The following CCNI variants were observed in gnomAD, a reference collection of about 807,000 sequenced individuals.
CCNI encodes the protein cyclin-I.
A neutral mutation model predicts 34.1 loss-of-function variants in CCNI; 14 were observed. The observed-to-expected ratio is 0.41, with a 90% CI of 0.27 to 0.64. The LOEUF is 0.64. Among genes scored for constraint, CCNI ranks in the 30% least tolerant of loss-of-function variants. The pLI, the probability that CCNI is intolerant of heterozygous loss-of-function variation, is 0.31. For missense variants in CCNI, 385 were observed against 440.5 expected (o/e 0.87, Z 1.13); for synonymous variants, 154 against 158.4 (o/e 0.97, Z 0.21).
At chr4:77,060,917 G>A (rs911775449) in intron 2 of CCNI, among the ~76,000 whole-genome samples, 10 of 141,662 alleles carry the variant, frequency 7.1e-5, no homozygotes, top group East Asian at 4.0e-4. Context: ...GAGCCACTGC[G>A]CCCGGCCTAA....
chr4:77,068,833 C>T lies in CCNI; in HGVS notation c.-43-2428G>A, dbSNP rs4252815. The stretch of plus-strand genomic sequence containing the variant: ...CCAACTCCAGCTACTATCCTCCTTC[C>T]TATGTACCACTCCACATATGCTACC... On this transcript the variant is annotated intron_variant, in intron 1 of 6. Coordinates refer to ENST00000237654, the MANE Select transcript of CCNI (RefSeq NM_006835.3). 1.3e-3 allele frequency among the ~76,000 whole-genome samples: 194 copies of T among 152,250 alleles called. 1 individual carries two copies. In the East Asian group the frequency reaches 0.035, roughly 28 times the overall value.
chr4:77,056,586 CTTTT>C (rs35437385), intron 3 of CCNI: 378 of 160,922 alleles, frequency 2.3e-3, no homozygotes, highest in South Asian at 6.6e-3. Flanking sequence ...CTAGAGCTAA[CTTTT>C]TTTTTTTTTT....
At chr4:77,051,497 A>G (rs1727833851) in intron 6 of CCNI, among the ~76,000 whole-genome samples, 1 of 147,528 alleles carries the variant, frequency 6.8e-6, no homozygotes, top group Admixed American at 6.6e-5. Context: ...GAAATGATAG[A>G]GCTAAAAGAC....
At chr4:77,056,178 A>T (rs908257376) in intron 4 of CCNI, 71 bp downstream of exon 4, 2 of 1,597,526 alleles carry the variant, frequency 1.3e-6, no homozygotes, top group South Asian at 2.2e-5. Flanking sequence ...TTGTTTTAGC[A>T]AACGAAGCAA....
At chr4:77,053,002 T>A (rs1727970115) in intron 6 of CCNI, among the ~76,000 whole-genome samples, 1 of 152,132 alleles carries the variant, frequency 6.6e-6, no homozygotes, top group African/African-American at 2.4e-5. Context: ...AGAAAAAAAA[T>A]TCACTGTATT....
chr4:77,049,278 C>G (rs985547326), intron 6 of CCNI, among the ~76,000 whole-genome samples: 3 of 151,980 alleles, frequency 2.0e-5, no homozygotes, highest in African/African-American at 7.2e-5. Flanking sequence ...TCCTTCTTAC[C>G]CTTCAGGACA....
chr4:77,070,566 C>T (rs1729385990), intron 1 of CCNI, among the ~76,000 whole-genome samples: 1 of 150,046 alleles, frequency 6.7e-6, no homozygotes, highest in Non-Finnish European at 1.5e-5. Flanking sequence ...TATATTCTAT[C>T]CCTGTTGCAT....
intron 1 of CCNI, among the ~76,000 whole-genome samples, chr4:77,070,068 AG>A (rs377320169): frequency 2.3e-4 from 34 of 147,538 alleles, no homozygotes; most frequent in Middle Eastern, 3.5e-3. Flanking sequence ...CCCAGGCTAG[AG>A]TGTAGTGGCA....
rs1560766658 is a variant in CCNI at position 77,048,668 on chromosome 4, C to T, written c.691-6G>A. 6.7e-7 allele frequency: 1 copy of T among 1,503,566 alleles called. No homozygotes were observed. The allele number at this position is 1,503,566 out of a possible 1,614,324, so 93.1% of individuals were successfully genotyped here. Reference sequence around the variant, plus strand: ...ATCAACTGGGAGCTATCCATCTGGGCCAGGAAAAAAAAAAAGCCACACACA... The same window carrying T: ...ATCAACTGGGAGCTATCCATCTGGGTCAGGAAAAAAAAAAAGCCACACACA... On this transcript the variant is annotated splice_region_variant and splice_polypyrimidine_tract_variant and intron_variant, in intron 6 of 6. Transcript: ENST00000237654.
intron 2 of CCNI, among the ~76,000 whole-genome samples, chr4:77,064,121 T>C (rs1316751635): frequency 6.6e-6 from 1 of 151,844 alleles, no homozygotes; most frequent in Non-Finnish European, 1.5e-5. Context: ...GGGTGCCTGT[T>C]AATTCCAGCT....
intron 1 of CCNI, among the ~76,000 whole-genome samples, chr4:77,067,893 G>C (rs1025132012): frequency 1.3e-4 from 19 of 151,438 alleles, no homozygotes; most frequent in Admixed American, 1.1e-3. Flanking sequence ...AATGTGAAAA[G>C]GTGGCTGGGC....
intron 6 of CCNI, among the ~76,000 whole-genome samples, chr4:77,051,219 C>T (rs180806923): frequency 1.8e-4 from 27 of 152,280 alleles, no homozygotes; most frequent in Admixed American, 1.7e-3. Context: ...AGATGCCAAA[C>T]CCATGGATAT....
In CCNI at chr4:77,048,652, G is replaced by A. The variant is rs752187873; in HGVS notation, c.701C>T (p.Ser234Phe). The change falls in exon 7 of 7, where the codon TCC becomes TTC. Residue 234 changes from serine (S) to phenylalanine (F), a missense_variant. Coordinates refer to ENST00000237654, the MANE Select transcript of CCNI (RefSeq NM_006835.3). Reference sequence around the variant, plus strand: ...AAGCTCCCGACAATGGATCAACTGGGAGCTATCCATCTGGGCCAGGAAAAA... The same window carrying A: ...AAGCTCCCGACAATGGATCAACTGGAAGCTATCCATCTGGGCCAGGAAAAA... ...ELLQKAQMDS[S>F]QLIHCRELVA... The A allele has an allele frequency of 1.3e-6, 2 of 1,526,238 alleles. No homozygotes were observed. Among genetic ancestry groups the A allele is most frequent in the Admixed American group, 4.3e-5 (2 of 46,402 alleles). 94.5% of individuals were successfully genotyped at this position (1,526,238 alleles called of 1,614,324 possible).
chr4:77,060,199 A>G (rs1056181697), intron 2 of CCNI, among the ~76,000 whole-genome samples: 2 of 152,198 alleles, frequency 1.3e-5, no homozygotes, highest in Non-Finnish European at 2.9e-5. Context: ...AAGAAGAATC[A>G]CAAAGGTAAC....
In CCNI at chr4:77,051,157, A is replaced by C. The variant is rs4252932; in HGVS notation, c.691-2495T>G. 6.4e-3 allele frequency among the ~76,000 whole-genome samples: 968 copies of C among 152,204 alleles called. 15 individuals carry two copies. The highest frequency in any genetic ancestry group is 0.022 in the African/African-American group (920 of 41,526). Reference sequence around the variant, plus strand: ...TGCCACAAATTCCAGGTTTTTTTGGAACTCTGTGAAATTTCTTCCTGAATA... The same window carrying C: ...TGCCACAAATTCCAGGTTTTTTTGGCACTCTGTGAAATTTCTTCCTGAATA... On this transcript the variant is annotated intron_variant, in intron 6 of 6. Coordinates refer to ENST00000237654, the MANE Select transcript of CCNI (RefSeq NM_006835.3).
intron 3 of CCNI, 146 bp from the exon 4 acceptor site, chr4:77,056,469 TTAC>T (rs1350442995): frequency 3.2e-6 from 2 of 626,898 alleles, no homozygotes; most frequent in African/African-American, 1.8e-5. Context: ...CTGCCACTCA[TTAC>T]TTTTTAGATC....
In CCNI at chr4:77,048,542, T is replaced by A. The variant is rs759069578; in HGVS notation, c.811A>T (p.Thr271Ser). ...VYRPLKHTLV[T>S]CDKGVFRLHP... ...AATCTGAACACTCCTTTGTCACAGG[T>A]CACCAGGGTGTGCTTGAGGGGACGG... The change falls in exon 7 of 7, where the codon ACC (threonine) becomes TCC (serine). Residue 271 changes from threonine (T) to serine (S), a missense_variant. Around this residue, in one of 2 missense-constraint regions of CCNI, gnomAD observed 250 missense variants for 248.7 expected, o/e 1.01. Coordinates refer to ENST00000237654, the MANE Select transcript of CCNI (RefSeq NM_006835.3). The A allele has an allele frequency of 6.2e-6, 10 of 1,613,734 alleles. 1 individual carries two copies. In the South Asian group the frequency reaches 1.1e-4, roughly 18 times the overall value.
rs4252948 is a variant in CCNI, at chr4:77,048,698, A to G, written c.691-36T>C. 2.5e-3 allele frequency: 3,719 copies of G among 1,459,462 alleles called. 76 individuals carry two copies. In the African/African-American group the frequency reaches 0.042, roughly 17 times the overall value. The allele number at this position is 1,459,462 out of a possible 1,614,324, so 90.4% of individuals were successfully genotyped here. A position where few individuals can be genotyped will look rare whatever the true frequency, so the allele number is the denominator to read the frequency against. On this transcript the variant is annotated intron_variant, in intron 6 of 6. Transcript: ENST00000237654. ...AAAAAAAAAAAGCCACACACAGTTG[A>G]TCATTAATTAACATAGGCTGCTCTG...
intron 2 of CCNI, among the ~76,000 whole-genome samples, chr4:77,063,935 T>C (rs1437130531): frequency 6.6e-6 from 1 of 152,028 alleles, no homozygotes; most frequent in African/African-American, 2.4e-5. Flanking sequence ...CAGTATTCAT[T>C]AAATCACCTA....
Sources: gnomAD v4.1 joint callset for allele counts (sites outside exome capture counted in the v4.1 genomes callset) on GRCh38, gnomAD v4.1.1 for gene constraint, gnomAD v4.1.1 regional missense constraint, MANE v1.5 for transcripts, NCBI Gene and HGNC (gene_info 2026-07-23, HGNC 2026-07-21) for gene names.